Variants in ERC2 observed in about 807,000 individuals in gnomAD.
The protein encoded by ERC2 is ELKS/RAB6-interacting/CAST family member 2.
In ERC2, 42 loss-of-function variants were observed where a neutral mutation model predicts 114.8. That is an observed-to-expected ratio of 0.37 (90% CI 0.29 to 0.47). ERC2 has a LOEUF of 0.47. ERC2 is among the 20% of genes least tolerant of loss of function. The pLI, the probability that ERC2 is intolerant of heterozygous loss-of-function variation, is 0.99. For missense variants in ERC2, 939 were observed against 1,150.7 expected, an observed-to-expected ratio of 0.82 and a Z score of 2.66; for synonymous variants, 454 against 425.5, an observed-to-expected ratio of 1.07 and a Z score of -0.82.
intron 14 of ERC2, among the ~76,000 whole-genome samples, chr3:55,819,762 G>A (rs894772630): frequency 6.6e-6 from 1 of 152,180 alleles, no homozygotes; most frequent in Admixed American, 6.5e-5. Context: ...CAGACTCCAT[G>A]GCCATGCACA....
intron 9 of ERC2, among the ~76,000 whole-genome samples, chr3:56,010,225 T>C (rs970617131): frequency 5.9e-5 from 9 of 152,018 alleles, no homozygotes; most frequent in African/African-American, 1.5e-4. Context: ...AGCTACATTG[T>C]ATATGGTTAG....
At chr3:56,387,111 A>G (rs1409271906) in intron 2 of ERC2, among the ~76,000 whole-genome samples, 3 of 152,324 alleles carry the variant, frequency 2.0e-5, no homozygotes, top group South Asian at 2.1e-4. Context: ...GCACTAATCT[A>G]TAAGAATTTA....
chr3:56,216,717 A>G (rs1382626409), intron 3 of ERC2, among the ~76,000 whole-genome samples: 1 of 152,244 alleles, frequency 6.6e-6, no homozygotes, highest in Non-Finnish European at 1.5e-5. Flanking sequence ...AATATCCTTG[A>G]GGAACATCGA....
chr3:56,213,465 G>C (rs1044083253), intron 3 of ERC2, among the ~76,000 whole-genome samples: 6 of 152,176 alleles, frequency 3.9e-5, no homozygotes, highest in African/African-American at 1.2e-4. Flanking sequence ...GAGAGGCTGG[G>C]GGAGGGGCGC....
chr3:56,395,658 G>T (rs1366216361), intron 2 of ERC2, among the ~76,000 whole-genome samples: 1 of 152,204 alleles, frequency 6.6e-6, no homozygotes, highest in Non-Finnish European at 1.5e-5. Context: ...CCTCTGCAAT[G>T]ATTGAAAGTT....
At chr3:55,595,915 T>C (rs1264644313) in intron 17 of ERC2, among the ~76,000 whole-genome samples, 1 of 152,168 alleles carries the variant, frequency 6.6e-6, no homozygotes, top group Non-Finnish European at 1.5e-5. Flanking sequence ...ACAATCATCA[T>C]AGTGACCATG....
chr3:55,799,237 A>T (rs2070774991), intron 14 of ERC2, among the ~76,000 whole-genome samples: 1 of 151,986 alleles, frequency 6.6e-6, no homozygotes, highest in African/African-American at 2.4e-5. Context: ...CTACCTAGTG[A>T]CACATTGATG....
At position 55,509,888 on chromosome 3, in the gene ERC2, T is replaced by C. The variant is rs1399363609; in HGVS notation, c.*1428A>G. The C allele has an allele frequency of 6.6e-6, 1 of 152,658 alleles. No homozygotes were observed. The highest frequency in any genetic ancestry group is 1.9e-4 in the East Asian group (1 of 5,198). The allele number at this position is 152,658 out of a possible 1,614,324, so 9.5% of individuals were successfully genotyped here. A position where few individuals can be genotyped will look rare whatever the true frequency, so the allele number is the denominator to read the frequency against. On this transcript the variant is annotated 3_prime_UTR_variant, in exon 18 of 18. Transcript: ENST00000288221. The stretch of plus-strand genomic sequence containing the variant: ...AAATTCACTGTTTGTCCTTTAAAAA[T>C]GCAGGTTTTCATCTCCCACTTGCAT...
At chr3:55,616,964 G>A (rs982660098) in intron 17 of ERC2, among the ~76,000 whole-genome samples, 8 of 152,270 alleles carry the variant, frequency 5.3e-5, no homozygotes, top group South Asian at 2.1e-4. Flanking sequence ...GGAGTTAGGC[G>A]TTACTCCAAC....
In ERC2 at chr3:56,355,192, C is replaced by T. The variant is rs181903210; in HGVS notation, c.658-58757G>A. ...ATATATTTGCTGAATGATGAATGAG[C>T]CCCTGTTGTTTGTTAGCACAAGTGG... On this transcript the variant is annotated intron_variant, in intron 2 of 17. Coordinates refer to ENST00000288221, the MANE Select transcript of ERC2 (RefSeq NM_015576.3). Among the ~76,000 whole-genome samples, 13 of 152,164 alleles carry T rather than the reference C, an allele frequency of 8.5e-5. No homozygotes were observed. In the South Asian group the frequency reaches 1.7e-3, roughly 20 times the overall value.
chr3:55,988,376 G>A (rs1393645890), intron 11 of ERC2, among the ~76,000 whole-genome samples: 1 of 152,188 alleles, frequency 6.6e-6, no homozygotes, highest in East Asian at 1.9e-4. Flanking sequence ...AGAGTTTACA[G>A]GCATAACTGC....
intron 17 of ERC2, among the ~76,000 whole-genome samples, chr3:55,666,192 C>T (rs1191218275): frequency 6.6e-6 from 1 of 152,162 alleles, no homozygotes; most frequent in African/African-American, 2.4e-5. Context: ...GGATTTGAAT[C>T]AAGTCTGTTG....
intron 15 of ERC2, among the ~76,000 whole-genome samples, chr3:55,729,210 T>C (rs190375679): frequency 3.0e-4 from 46 of 152,318 alleles, no homozygotes; most frequent in South Asian, 1.2e-3. Context: ...CTCTGACAAC[T>C]CACTTCCTTG....
chr3:56,151,015 A>G (rs543033691), intron 4 of ERC2, among the ~76,000 whole-genome samples: 2 of 152,272 alleles, frequency 1.3e-5, no homozygotes, highest in South Asian at 4.2e-4. Context: ...TCTATAAGCC[A>G]GGAAGAGAGC....
chr3:56,080,803 T>G lies in ERC2; in HGVS notation c.1641+14A>C, dbSNP rs542915386. On this transcript the variant is annotated intron_variant, in intron 7 of 17. Coordinates refer to ENST00000288221, the MANE Select transcript of ERC2 (RefSeq NM_015576.3). ...GATGATACCCCACTTGAAGGTCTTA[T>G]GTCAGCTACTCACCTTTTTCTGAAG... is the stretch of plus-strand genomic sequence containing the variant. 1.2e-6 allele frequency: 2 copies of G among 1,611,766 alleles called. No homozygotes were observed. Among genetic ancestry groups the G allele is most frequent in the South Asian group, 1.1e-5 (1 of 90,772 alleles).
chr3:55,833,220 C>T (rs925706425), intron 14 of ERC2, among the ~76,000 whole-genome samples: 10 of 150,522 alleles, frequency 6.6e-5, no homozygotes, highest in Non-Finnish European at 1.3e-4. Context: ...CCTAATCTAG[C>T]AAGGCAGACC....
chr3:56,208,227 T>A (rs1273524139), intron 3 of ERC2, among the ~76,000 whole-genome samples: 1 of 152,192 alleles, frequency 6.6e-6, no homozygotes, highest in Middle Eastern at 3.2e-3. Flanking sequence ...CATAAAGATG[T>A]CATAGGGCTG....
chr3:55,648,529 T>C (rs968500951), intron 17 of ERC2, among the ~76,000 whole-genome samples: 4 of 152,176 alleles, frequency 2.6e-5, no homozygotes, highest in African/African-American at 9.6e-5. Flanking sequence ...GAGATGTGTC[T>C]CGCAGGCGGC....
chr3:55,548,375 T>A (rs895438103), intron 17 of ERC2, among the ~76,000 whole-genome samples: 9 of 152,264 alleles, frequency 5.9e-5, no homozygotes, highest in Admixed American at 2.6e-4. Context: ...ATTTGGTCAG[T>A]TGTTACAGGA....
Sources: allele counts gnomAD v4.1 joint callset (sites outside exome capture counted in the v4.1 genomes callset), GRCh38; gene constraint gnomAD v4.1.1; transcripts MANE v1.5; gene names NCBI Gene and HGNC (gene_info 2026-07-23, HGNC 2026-07-21).